LSAMP: variants seen among roughly 807,000 people sequenced by gnomAD.
LSAMP encodes limbic system-associated membrane protein.
In LSAMP, 7 loss-of-function variants were observed where a neutral mutation model predicts 38.6. The ratio of observed to expected loss-of-function variants is 0.18; its 90% confidence interval spans 0.10 to 0.34. The LOEUF (loss-of-function observed/expected upper bound fraction) is 0.34. LSAMP is among the 10% of genes least tolerant of loss of function. The pLI, the probability that LSAMP is intolerant of heterozygous loss-of-function variation, is 1.00. For synonymous variants in LSAMP, 154 were observed against 166.8 expected (o/e 0.92, Z 0.59); for missense variants, 313 against 420.0 (o/e 0.75, Z 2.23).
chr3:115,944,575 C>A (rs1373512106), intron 3 of LSAMP, among the ~76,000 whole-genome samples: 1 of 152,142 alleles, frequency 6.6e-6, no homozygotes, highest in Non-Finnish European at 1.5e-5. Context: ...GCAGTAAGTG[C>A]CATTTACTCC....
At chr3:116,127,695 A>ATTTTTTT (rs67470158) in intron 1 of LSAMP, among the ~76,000 whole-genome samples, 1 of 96,646 alleles carries the variant, frequency 1.0e-5, no homozygotes, top group African/African-American at 3.6e-5. Context: ...GTGTTTGTTC[A>ATTTTTTT]TTTTTTTTTT....
intron 1 of LSAMP, among the ~76,000 whole-genome samples, chr3:116,182,716 G>A (rs936536354): frequency 6.6e-6 from 1 of 151,702 alleles, no homozygotes; most frequent in Non-Finnish European, 1.5e-5. Flanking sequence ...TGTTTTTTTG[G>A]TAGAGATGTC....
intron 1 of LSAMP, among the ~76,000 whole-genome samples, chr3:116,434,697 G>A (rs889446717): frequency 8.5e-5 from 13 of 152,156 alleles, no homozygotes; most frequent in African/African-American, 2.6e-4. Context: ...GGCTACAGGC[G>A]TGCACCACCA....
chr3:115,892,661 T>C (rs958321610), intron 3 of LSAMP, among the ~76,000 whole-genome samples: 18 of 151,836 alleles, frequency 1.2e-4, no homozygotes, highest in Admixed American at 1.1e-3. Context: ...TGAATGTTCA[T>C]TGAGCCATAC....
At chr3:116,426,342 T>C (rs758500935) in intron 1 of LSAMP, among the ~76,000 whole-genome samples, 3 of 150,848 alleles carry the variant, frequency 2.0e-5, no homozygotes, top group Non-Finnish European at 2.9e-5. Context: ...CAAAAACTAA[T>C]CTCAGCTACT....
chr3:116,027,042 T>C (rs1940807465), intron 2 of LSAMP, among the ~76,000 whole-genome samples: 1 of 152,224 alleles, frequency 6.6e-6, no homozygotes, highest in African/African-American at 2.4e-5. Context: ...CAACAAATGC[T>C]TTTTTAGTAT....
chr3:116,182,898 A>G lies in LSAMP; in HGVS notation c.156-96342T>C, dbSNP rs189684401. 1.6e-3 allele frequency among the ~76,000 whole-genome samples: 250 copies of G among 151,976 alleles called. 1 individual carries two copies. The highest frequency in any genetic ancestry group is 5.4e-3 in the African/African-American group (223 of 41,526). ...TAAAAGTCCAAATTTTGCCATCACA[A>G]TGACTATTGTAGATTTGCTGAGAGA... On this transcript the variant is annotated intron_variant, in intron 1 of 6. Coordinates refer to ENST00000490035, the MANE Select transcript of LSAMP (RefSeq NM_002338.5).
At chr3:116,136,983 A>G (rs1709264398) in intron 1 of LSAMP, among the ~76,000 whole-genome samples, 1 of 152,056 alleles carries the variant, frequency 6.6e-6, no homozygotes. Flanking sequence ...CCAGAAATCC[A>G]AAACCAAGGT....
intron 1 of LSAMP, among the ~76,000 whole-genome samples, chr3:116,358,221 G>A (rs902731058): frequency 6.6e-6 from 1 of 152,192 alleles, no homozygotes; most frequent in African/African-American, 2.4e-5. Flanking sequence ...TTTACTGGAA[G>A]GAGGGAAAAG....
At chr3:116,025,226 T>C (rs1161411054) in intron 2 of LSAMP, among the ~76,000 whole-genome samples, 3 of 152,134 alleles carry the variant, frequency 2.0e-5, no homozygotes, top group African/African-American at 4.8e-5. Context: ...TATTTTCCTA[T>C]ATATAATGCC....
chr3:115,972,711 A>C (rs1939057025), intron 3 of LSAMP, among the ~76,000 whole-genome samples: 1 of 151,374 alleles, frequency 6.6e-6, no homozygotes, highest in South Asian at 2.1e-4. Flanking sequence ...GTGGAAAGCT[A>C]CAAGTTATGA....
chr3:116,206,873 A>T (rs1468065350), intron 1 of LSAMP, among the ~76,000 whole-genome samples: 1 of 150,810 alleles, frequency 6.6e-6, no homozygotes, highest in Admixed American at 6.6e-5. Context: ...AAAAAAATGT[A>T]TATTCTGTTG....
chr3:116,089,636 C>A (rs1385255616), intron 1 of LSAMP, among the ~76,000 whole-genome samples: 1 of 152,104 alleles, frequency 6.6e-6, no homozygotes, highest in Non-Finnish European at 1.5e-5. Flanking sequence ...GGATTACAGG[C>A]GTGAGCCACC....
intron 4 of LSAMP, among the ~76,000 whole-genome samples, chr3:115,844,605 G>T (rs1935097637): frequency 6.6e-6 from 1 of 152,108 alleles, no homozygotes; most frequent in African/African-American, 2.4e-5. Flanking sequence ...TCAAATCCAG[G>T]CTCTGTTCCT....
intron 1 of LSAMP, among the ~76,000 whole-genome samples, chr3:116,418,668 T>C (rs1344317968): frequency 2.0e-5 from 3 of 152,174 alleles, no homozygotes; most frequent in Non-Finnish European, 2.9e-5. Flanking sequence ...TTACTTTCCT[T>C]TGCCCAGTAA....
At chr3:116,103,599 TGA>T (rs1708398253) in intron 1 of LSAMP, among the ~76,000 whole-genome samples, 1 of 146,030 alleles carries the variant, frequency 6.8e-6, no homozygotes, top group Non-Finnish European at 1.5e-5. Context: ...TTTGAGGACA[TGA>T]GTCAATGTAA....
chr3:116,269,242 A>T (rs1229923532), intron 1 of LSAMP, among the ~76,000 whole-genome samples: 1 of 152,122 alleles, frequency 6.6e-6, no homozygotes, highest in Non-Finnish European at 1.5e-5. Flanking sequence ...AAGCCTTGTG[A>T]TAATAAGCAA....
In LSAMP at chr3:115,809,339, A is replaced by G. The variant is rs1933731177; in HGVS notation, c.*978T>C. 1.3e-5 allele frequency: 2 copies of G among 152,362 alleles called. No individual in the cohort carries two copies. Among genetic ancestry groups the G allele is most frequent in the South Asian group, 2.1e-4 (1 of 4,832 alleles). The allele number at this position is 152,362 out of a possible 1,614,324, so 9.4% of individuals were successfully genotyped here. On this transcript the variant is annotated 3_prime_UTR_variant, in exon 7 of 7. Transcript: ENST00000490035. ...GGGGTCCTGCCCTTGGAAGGAGCAT[A>G]GCTTGGTTTGAATACACACTGATGC...
Position 116,294,794 on chromosome 3 carries a change from CTGCACT to C in LSAMP, c.155+150077_155+150082del, listed in dbSNP as rs574463862. ...ATTAACATGAAATAACATAGGTAACCTGCACTTAACTTTCAAACCTGCTGTGATTAG... is the reference window on the plus strand; with the variant it reads ...ATTAACATGAAATAACATAGGTAACCTAACTTTCAAACCTGCTGTGATTAG... On this transcript the variant is annotated intron_variant, in intron 1 of 6. Coordinates refer to ENST00000490035, the MANE Select transcript of LSAMP (RefSeq NM_002338.5). Among the ~76,000 whole-genome samples the C allele has an allele frequency of 8.4e-4, 128 of 152,176 alleles. 1 individual carries two copies. In the Middle Eastern group the frequency reaches 0.02, roughly 24 times the overall value.
Sources: gnomAD v4.1 joint callset for allele counts (sites outside exome capture counted in the v4.1 genomes callset) on GRCh38, gnomAD v4.1.1 for gene constraint, MANE v1.5 for transcripts, NCBI Gene and HGNC (gene_info 2026-07-23, HGNC 2026-07-21) for gene names.